NAALADL2: variants seen among roughly 807,000 people sequenced by gnomAD.
NAALADL2 encodes the protein N-acetylated alpha-linked acidic dipeptidase like 2.
Under a neutral mutation model 87.2 loss-of-function variants are expected in NAALADL2, and 76 were observed. The observed-to-expected ratio is 0.87, with a 90% CI of 0.72 to 1.05. The LOEUF (loss-of-function observed/expected upper bound fraction) is 1.05, where lower values mean the gene tolerates loss of function less well. Ranked by LOEUF, NAALADL2 falls within the 50% of genes least tolerant of loss-of-function variation. NAALADL2 has a pLI of 0.00. For synonymous variants in NAALADL2, 354 were observed against 331.0 expected, an observed-to-expected ratio of 1.07 and a Z score of -0.75; for missense variants, 1,089 against 945.8, an observed-to-expected ratio of 1.15 and a Z score of -1.99.
intron 2 of NAALADL2, among the ~76,000 whole-genome samples, chr3:175,227,914 C>T (rs1276463544): frequency 6.6e-6 from 1 of 151,842 alleles, no homozygotes; most frequent in African/African-American, 2.4e-5. Flanking sequence ...TTTTAAACGG[C>T]ATCAGAATTT....
intron 1 of NAALADL2, among the ~76,000 whole-genome samples, chr3:174,443,923 A>G (rs1714852713): frequency 6.6e-6 from 1 of 151,596 alleles, no homozygotes; most frequent in South Asian, 2.1e-4. Flanking sequence ...TCATGGAGGA[A>G]GTAGACATGA....
intron 1 of NAALADL2, among the ~76,000 whole-genome samples, chr3:174,516,219 A>G (rs900199494): frequency 6.6e-6 from 1 of 152,048 alleles, no homozygotes; most frequent in African/African-American, 2.4e-5. Flanking sequence ...GCATCTTTTC[A>G]GTATTCTGAG....
chr3:175,270,166 G>C (rs1752603936), intron 4 of NAALADL2, among the ~76,000 whole-genome samples: 1 of 152,122 alleles, frequency 6.6e-6, no homozygotes, highest in Admixed American at 6.6e-5. Flanking sequence ...TGATTGAGTG[G>C]TTACAATACA....
At chr3:175,032,993 A>G (rs1752972517) in intron 1 of NAALADL2, among the ~76,000 whole-genome samples, 1 of 151,962 alleles carries the variant, frequency 6.6e-6, no homozygotes, top group Non-Finnish European at 1.5e-5. Context: ...CTTCTTCCCA[A>G]TCAGCACAGG....
intron 2 of NAALADL2, among the ~76,000 whole-genome samples, chr3:175,151,212 C>T (rs1049352811): frequency 5.3e-5 from 8 of 152,064 alleles, no homozygotes; most frequent in African/African-American, 1.9e-4. Context: ...TCTCACTTAC[C>T]GCATATCATG....
At chr3:175,415,087 A>AG (rs1198573535) in intron 5 of NAALADL2, among the ~76,000 whole-genome samples, 4 of 152,214 alleles carry the variant, frequency 2.6e-5, no homozygotes, top group African/African-American at 9.6e-5. Context: ...GAGTAAATAT[A>AG]AGCCTAATTG....
At chr3:175,133,633 A>T (rs1728606485) in intron 2 of NAALADL2, among the ~76,000 whole-genome samples, 1 of 152,164 alleles carries the variant, frequency 6.6e-6, no homozygotes, top group South Asian at 2.1e-4. Flanking sequence ...GAGGCAGGCG[A>T]ATCAGGCAGG....
rs1304012069 is a variant in NAALADL2 at position 175,804,097 on chromosome 3, T to TATATATATATAGTAC, written c.*894_*895insATATATATATAGTAC. The TATATATATATAGTAC allele has an allele frequency of 2.0e-5, 3 of 151,936 alleles. No homozygotes were observed. The highest frequency in any genetic ancestry group is 4.8e-5 in the African/African-American group (2 of 41,432). 9.4% of individuals were successfully genotyped at this position (151,936 alleles called of 1,614,324 possible). On this transcript the variant is annotated 3_prime_UTR_variant, in exon 14 of 14. Coordinates refer to ENST00000454872, the MANE Select transcript of NAALADL2 (RefSeq NM_207015.3). Reference sequence around the variant, plus strand: ...CTGAAACTCCTTGCTGTAAGGCAGCTTTCTCAGAGTACTATATATTTTCAA... The same window carrying TATATATATATAGTAC: ...CTGAAACTCCTTGCTGTAAGGCAGCTATATATATATAGTACTTCTCAGAGTACTATATATTTTCAA...
intron 2 of NAALADL2, among the ~76,000 whole-genome samples, chr3:175,140,080 G>T (rs898686236): frequency 5.3e-5 from 8 of 152,084 alleles, no homozygotes; most frequent in South Asian, 4.1e-4. Flanking sequence ...GGCAAACCTG[G>T]CTTTGAATCT....
intron 1 of NAALADL2, among the ~76,000 whole-genome samples, chr3:174,882,552 CAT>C (rs751998045): frequency 3.5e-5 from 5 of 142,172 alleles, no homozygotes; most frequent in African/African-American, 1.2e-4. Context: ...CACATATGTA[CAT>C]ATGTGTATAT....
At chr3:175,131,873 ACCCCCCCACCTCCCTCCCAGACGGGGC>A (rs1727998141) in intron 2 of NAALADL2, among the ~76,000 whole-genome samples, 1 of 28,210 alleles carries the variant, frequency 3.5e-5, no homozygotes. Context: ...GCGGGGTCTG[ACCCCCCCACCTCCCTCCCAGACGGGGC>A]GGCTGGCCGG....
At chr3:175,338,664 A>ACAC in intron 5 of NAALADL2, among the ~76,000 whole-genome samples, 1 of 142,692 alleles carries the variant, frequency 7.0e-6, no homozygotes, top group East Asian at 2.0e-4. Context: ...CACACACACA[A>ACAC]ACAAACAAAA....
At chr3:175,679,277 TAAA>T (rs77297220) in intron 11 of NAALADL2, among the ~76,000 whole-genome samples, 4,345 of 132,102 alleles carry the variant, frequency 0.033, 220 homozygotes, top group African/African-American at 0.11. Context: ...AAAGTATAGT[TAAA>T]AAAAAAAAAA....
chr3:175,151,283 T>A (rs1195454367), intron 2 of NAALADL2, among the ~76,000 whole-genome samples: 1 of 152,114 alleles, frequency 6.6e-6, no homozygotes, highest in Non-Finnish European at 1.5e-5. Context: ...CAGGATGAGT[T>A]GTCAAGTTCT....
At chr3:175,425,856 T>C (rs1716690299) in intron 5 of NAALADL2, among the ~76,000 whole-genome samples, 1 of 152,160 alleles carries the variant, frequency 6.6e-6, no homozygotes, top group African/African-American at 2.4e-5. Flanking sequence ...TATATTTAAG[T>C]AATCCTCTAA....
chr3:175,309,978 C>T (rs1758164321), intron 4 of NAALADL2, among the ~76,000 whole-genome samples: 1 of 152,124 alleles, frequency 6.6e-6, no homozygotes, highest in Non-Finnish European at 1.5e-5. Flanking sequence ...TTTTCATCTG[C>T]TAATGTTGCT....
chr3:174,613,478 G>C, intron 2 of NAALADL2, among the ~76,000 whole-genome samples: 1 of 152,174 alleles, frequency 6.6e-6, no homozygotes, highest in East Asian at 1.9e-4. Flanking sequence ...GTGTGGCTGA[G>C]CTGGCACTCA....
intron 11 of NAALADL2, among the ~76,000 whole-genome samples, chr3:175,664,261 T>C: frequency 6.6e-6 from 1 of 152,048 alleles, no homozygotes; most frequent in South Asian, 2.1e-4. Context: ...AGAACAAGAA[T>C]ATTGTTAGGA....
intron 2 of NAALADL2, among the ~76,000 whole-genome samples, chr3:174,720,075 C>T (rs1385225065): frequency 1.3e-5 from 2 of 152,148 alleles, no homozygotes; most frequent in Non-Finnish European, 2.9e-5. Flanking sequence ...GCTGGGATTA[C>T]AGGCGTGACC....
Sources: allele counts gnomAD v4.1 joint callset (sites outside exome capture counted in the v4.1 genomes callset), GRCh38; gene constraint gnomAD v4.1.1; transcripts MANE v1.5; gene names NCBI Gene and HGNC (gene_info 2026-07-23, HGNC 2026-07-21).